HIVEP1: variants seen among roughly 807,000 people sequenced by gnomAD.
The protein encoded by HIVEP1 is zinc finger protein 40.
Under a neutral mutation model 180.0 loss-of-function variants are expected in HIVEP1, and 36 were observed. The observed-to-expected ratio is 0.20, with a 90% CI of 0.15 to 0.26. The LOEUF is 0.26. Ranked by LOEUF, HIVEP1 falls within the 10% of genes least tolerant of loss-of-function variation. The probability of loss-of-function intolerance (pLI) is 1.00; values close to 1 mark genes in which losing one functional copy is unlikely to be tolerated. For missense variants in HIVEP1, 3,143 were observed against 3,268.7 expected (o/e 0.96, Z 0.94); for synonymous variants, 1,239 against 1,239.0 (o/e 1.00, Z 0.00).
chr6:12,168,236 T>C (rs796115803), downstream of HIVEP1, among the ~76,000 whole-genome samples: 1 of 130,004 alleles, frequency 7.7e-6, no homozygotes, highest in Non-Finnish European at 1.6e-5. Context: ...TATATACATA[T>C]ATATTATATA....
At chr6:12,041,796 A>C (rs1408387753) in intron 2 of HIVEP1, among the ~76,000 whole-genome samples, 1 of 151,926 alleles carries the variant, frequency 6.6e-6, no homozygotes, top group African/African-American at 2.4e-5. Context: ...AGTAGCTGGA[A>C]TTAAAGTTCC....
chr6:12,122,447 C>T lies in HIVEP1; in HGVS notation c.2652C>T (p.Asn884=), dbSNP rs377061560. Residue 884 remains asparagine, a synonymous_variant, in exon 4 of 9, where the codon AAC becomes AAT. Coordinates refer to ENST00000379388, the MANE Select transcript of HIVEP1 (RefSeq NM_002114.4). ...FYDDVFVSGP[N]APVPQSGHPR... Reference sequence around the variant, plus strand: ...ATGATGTCTTTGTATCGGGACCTAACGCTCCTGTGCCCCAGAGTGGGCATC... The same window carrying T: ...ATGATGTCTTTGTATCGGGACCTAATGCTCCTGTGCCCCAGAGTGGGCATC... The T allele has an allele frequency of 4.3e-5, 69 of 1,614,054 alleles. No individual in the cohort carries two copies. Among genetic ancestry groups the T allele is most frequent in the Non-Finnish European group, 5.1e-5 (60 of 1,180,038 alleles).
chr6:12,200,130 T>C, the HIVEP1 span, among the ~76,000 whole-genome samples: 1 of 152,148 alleles, frequency 6.6e-6, no homozygotes, highest in African/African-American at 2.4e-5. Context: ...CCGGACCAGA[T>C]TGAGGACTAG....
intron 7 of HIVEP1, among the ~76,000 whole-genome samples, chr6:12,156,375 T>G (rs1374324961): frequency 6.6e-6 from 1 of 152,214 alleles, no homozygotes; most frequent in Non-Finnish European, 1.5e-5. Context: ...TCATTTTACA[T>G]TTAAGTCTTT....
chr6:12,126,746 A>T (rs949900742), intron 4 of HIVEP1, among the ~76,000 whole-genome samples: 2 of 152,232 alleles, frequency 1.3e-5, no homozygotes, highest in African/African-American at 4.8e-5. Flanking sequence ...AGTTTCTAAC[A>T]TTACTGGTAG....
chr6:12,199,570 G>A, the HIVEP1 span, among the ~76,000 whole-genome samples: 7 of 151,928 alleles, frequency 4.6e-5, no homozygotes, highest in South Asian at 1.5e-3. Context: ...CATGTTGGCC[G>A]GGCCAGTCTC....
chr6:12,038,851 C>G (rs1404966247), intron 2 of HIVEP1: 1 of 152,148 alleles, frequency 6.6e-6, no homozygotes, highest in African/African-American at 2.4e-5. Flanking sequence ...CTCTACTCTG[C>G]CTTTTAGGAG....
chr6:12,042,063 A>T (rs1444627203), intron 2 of HIVEP1, among the ~76,000 whole-genome samples: 1 of 146,402 alleles, frequency 6.8e-6, no homozygotes, highest in East Asian at 2.0e-4. Flanking sequence ...ATTTGTTAAT[A>T]TTCGTACGCT....
chr6:12,182,725 C>T, the HIVEP1 span, among the ~76,000 whole-genome samples: 3 of 152,094 alleles, frequency 2.0e-5, no homozygotes, highest in Non-Finnish European at 4.4e-5. Flanking sequence ...AAGAATAGTG[C>T]GTGCCATGCC....
At chr6:12,125,963 T>A in intron 4 of HIVEP1, 93 bp downstream of exon 4, 1 of 726,908 alleles carries the variant, frequency 1.4e-6, no homozygotes. Flanking sequence ...GGAAATATTT[T>A]AATTTTGAGT....
At chr6:12,105,183 A>G (rs956171875) in intron 3 of HIVEP1, among the ~76,000 whole-genome samples, 1 of 152,230 alleles carries the variant, frequency 6.6e-6, no homozygotes, top group Non-Finnish European at 1.5e-5. Context: ...GGCCATTGAA[A>G]GTGAGTTGCA....
chr6:12,121,947 A>C lies in HIVEP1; in HGVS notation c.2152A>C (p.Thr718Pro). The change falls in exon 4 of 9, where the codon ACA becomes CCA. Residue 718 changes from threonine (T) to proline (P), a missense_variant. Physicochemically the swap from Thr to Pro is conservative, Grantham distance 38. This residue lies in a region of HIVEP1 where 365 missense variants were observed against 344.4 expected (regional missense o/e 1.06). Transcript: ENST00000379388. The surrounding 1 kb of genome is among the most constrained non-coding windows in gnomAD (Gnocchi z 5.3). Reference sequence around the variant, plus strand: ...CTCTGCAGCTCTTGTCACCACGTCAACACCCTCTGCTTTGCCCACAGGGGA... The same window carrying C: ...CTCTGCAGCTCTTGTCACCACGTCACCACCCTCTGCTTTGCCCACAGGGGA... Reference protein sequence around the residue: ...GPSAALVTTSTPSALPTGEKA... With the variant: ...GPSAALVTTSPPSALPTGEKA... 6.2e-7 allele frequency: 1 copy of C among 1,614,168 alleles called. No homozygotes were observed. Among genetic ancestry groups the C allele is most frequent in the East Asian group, 2.2e-5 (1 of 44,880 alleles).
intron 2 of HIVEP1, among the ~76,000 whole-genome samples, chr6:12,018,241 C>T (rs1561857510): frequency 1.3e-5 from 2 of 152,226 alleles, no homozygotes; most frequent in Non-Finnish European, 2.9e-5. Context: ...GCGCCACGCG[C>T]GGCCCCCGTT....
chr6:12,108,197 A>C (rs931091715), intron 3 of HIVEP1, among the ~76,000 whole-genome samples: 2 of 152,210 alleles, frequency 1.3e-5, no homozygotes, highest in Non-Finnish European at 2.9e-5. Context: ...AGCTAGACAC[A>C]GGGTGCTGAT....
downstream of HIVEP1, among the ~76,000 whole-genome samples, chr6:12,168,347 G>GTA (rs1265970305): frequency 8.1e-5 from 4 of 49,254 alleles, no homozygotes; most frequent in East Asian, 4.6e-4. Context: ...ATATATACAT[G>GTA]TATATGTATA....
chr6:12,036,535 G>A (rs879280933), intron 2 of HIVEP1, among the ~76,000 whole-genome samples: 7 of 152,174 alleles, frequency 4.6e-5, no homozygotes, highest in Admixed American at 4.6e-4. Flanking sequence ...GTAGGCTCCA[G>A]GGATGCACAG....
chr6:12,065,429 A>T (rs1396564872), intron 2 of HIVEP1, among the ~76,000 whole-genome samples: 1 of 152,186 alleles, frequency 6.6e-6, no homozygotes, highest in African/African-American at 2.4e-5. Context: ...TGTGACATTG[A>T]TGCTCACACA....
chr6:12,124,784 T>G lies in HIVEP1; in HGVS notation c.4989T>G (p.Asp1663Glu). 6.2e-7 allele frequency: 1 copy of G among 1,614,186 alleles called. No homozygotes were observed. Among genetic ancestry groups the G allele is most frequent in the Non-Finnish European group, 8.5e-7 (1 of 1,180,036 alleles). Residue 1663 changes from aspartate (D) to glutamate (E), a missense_variant, in exon 4 of 9, where the codon GAT (aspartate) becomes GAG (glutamate). Asp to Glu is a conservative substitution (Grantham distance 45, BLOSUM62 2). Around this residue, in one of 12 missense-constraint regions of HIVEP1, gnomAD observed 1,357 missense variants for 1,260.5 expected, o/e 1.08. Transcript: ENST00000379388. ...TGCCACAAATACTAGTGACCCAAGA[T>G]CTGCCCAATCAGCCAATTTGCCAGA... ...TSLPQILVTQ[D>E]LPNQPICQTN...
At chr6:12,039,388 C>T (rs1442228144) in intron 2 of HIVEP1, 1 of 152,162 alleles carries the variant, frequency 6.6e-6, no homozygotes, top group Non-Finnish European at 1.5e-5. Flanking sequence ...ACTTAATTGT[C>T]TTAAATACCA....
Sources: allele counts gnomAD v4.1 joint callset (sites outside exome capture counted in the v4.1 genomes callset), GRCh38; gene constraint gnomAD v4.1.1; regional missense constraint gnomAD v4.1.1; non-coding constraint Gnocchi (gnomAD v3.1); transcripts MANE v1.5; gene names NCBI Gene and HGNC (gene_info 2026-07-23, HGNC 2026-07-21).